The following BAZ2B variants were observed in gnomAD, a reference collection of about 807,000 sequenced individuals.
BAZ2B encodes the protein bromodomain adjacent to zinc finger domain 2B.
Under a neutral mutation model 246.0 loss-of-function variants are expected in BAZ2B, and 91 were observed. The observed-to-expected ratio is 0.37, with a 90% CI of 0.31 to 0.44. The LOEUF is 0.44. Ranked by LOEUF, BAZ2B falls within the 20% of genes least tolerant of loss-of-function variation. BAZ2B has a pLI of 1.00. For synonymous variants in BAZ2B, 855 were observed against 860.0 expected (o/e 0.99, Z 0.10); for missense variants, 2,332 against 2,533.7 (o/e 0.92, Z 1.71).
chr2:159,326,748 T>A (rs1388651825), intron 34 of BAZ2B, among the ~76,000 whole-genome samples: 1 of 152,150 alleles, frequency 6.6e-6, no homozygotes, highest in Non-Finnish European at 1.5e-5. Context: ...ACTCTCAACA[T>A]GGTCTTATGC....
chr2:159,462,936 T>C, intron 3 of BAZ2B: 1 of 1,348,822 alleles, frequency 7.4e-7, no homozygotes, highest in Non-Finnish European at 1.1e-6. Context: ...TGGCTGGGGG[T>C]CACTTGCTTT....
chr2:159,668,212 T>C, the BAZ2B span, among the ~76,000 whole-genome samples: 2 of 152,220 alleles, frequency 1.3e-5, no homozygotes, highest in Non-Finnish European at 2.9e-5. Context: ...TTATATTCTT[T>C]AACATTGTTA....
the BAZ2B span, among the ~76,000 whole-genome samples, chr2:159,703,056 C>G: frequency 1.6e-5 from 2 of 126,330 alleles, no homozygotes; most frequent in Non-Finnish European, 3.5e-5. Flanking sequence ...AACAAACAAA[C>G]AAAAACAAAC....
chr2:159,389,305 A>T, intron 21 of BAZ2B, 40 bp downstream of exon 21: 1 of 1,517,566 alleles, frequency 6.6e-7, no homozygotes, highest in Non-Finnish European at 8.8e-7. Flanking sequence ...TGGAAAAATT[A>T]AACTTATGAA....
intron 18 of BAZ2B, 53 bp from the exon 19 acceptor site, chr2:159,397,442 G>T: frequency 8.1e-7 from 1 of 1,227,840 alleles, no homozygotes; most frequent in Non-Finnish European, 1.1e-6. Flanking sequence ...TTTAGAACAT[G>T]CTAAAAGTAT....
chr2:159,608,137 G>A (rs767485660), intron 1 of BAZ2B, among the ~76,000 whole-genome samples: 7 of 152,318 alleles, frequency 4.6e-5, no homozygotes, highest in Admixed American at 2.6e-4. Context: ...CACTTTGAGA[G>A]GCCAAGGTGC....
At chr2:159,561,440 T>C (rs2089857890) in intron 1 of BAZ2B, among the ~76,000 whole-genome samples, 1 of 152,212 alleles carries the variant, frequency 6.6e-6, no homozygotes, top group Non-Finnish European at 1.5e-5. Context: ...CCTGCAGAAC[T>C]GTTAGCTTAA....
At chr2:159,337,920 GGAAAT>G in intron 31 of BAZ2B, 148 bp from the exon 32 acceptor site, 1 of 699,076 alleles carries the variant, frequency 1.4e-6, no homozygotes. Context: ...AAAACTAGGT[GGAAAT>G]AAGAAGAAAA....
At chr2:159,346,529 A>G (rs990840709) in intron 31 of BAZ2B, among the ~76,000 whole-genome samples, 1 of 151,966 alleles carries the variant, frequency 6.6e-6, no homozygotes, top group African/African-American at 2.4e-5. Context: ...ACGTGGCAAA[A>G]CCCCATCTCT....
At chr2:159,593,400 G>C (rs975395987) in intron 1 of BAZ2B, among the ~76,000 whole-genome samples, 1 of 152,162 alleles carries the variant, frequency 6.6e-6, no homozygotes, top group Non-Finnish European at 1.5e-5. Context: ...AAAAGATTAT[G>C]TCCTATCTAG....
the BAZ2B span, among the ~76,000 whole-genome samples, chr2:159,678,160 A>G: frequency 6.6e-6 from 1 of 152,140 alleles, no homozygotes; most frequent in African/African-American, 2.4e-5. Context: ...AATTTAAAAC[A>G]TTTTCTATTA....
chr2:159,322,994 CT>C (rs71406166), intron 36 of BAZ2B, among the ~76,000 whole-genome samples: 46,796 of 137,078 alleles, frequency 0.34, 9,691 homozygotes, highest in Non-Finnish European at 0.51. Flanking sequence ...GATTTTGTAG[CT>C]TTTTTTTTTT....
intron 19 of BAZ2B, 196 bp downstream of exon 19, chr2:159,397,149 A>C: frequency 2.0e-6 from 3 of 1,473,166 alleles, no homozygotes; most frequent in South Asian, 1.2e-5. Flanking sequence ...TCACAGAGTC[A>C]TAAAACCAAT....
In BAZ2B at chr2:159,412,496, C is replaced by T; in HGVS notation, c.2516G>A (p.Arg839Lys). 3 of 1,614,088 alleles carry T rather than the reference C, an allele frequency of 1.9e-6. No homozygotes were observed. The highest frequency in any genetic ancestry group is 2.5e-6 in the Non-Finnish European group (3 of 1,179,990). The change falls in exon 14 of 37, where the codon AGG (arginine) becomes AAG (lysine). Residue 839 changes from arginine to lysine, a missense_variant. Transcript: ENST00000392783. ...TCTTCCTCTACGACCTTCCATTGCC[C>T]TGATACGAGGAATGACATCCTCTTC... ...LKEEDVIPRI[R>K]AMEGRRGRPP...
rs1309988020 is a variant in BAZ2B at position 159,603,849 on chromosome 2, A to C, written c.-46+12393T>G. On this transcript the variant is annotated intron_variant, in intron 1 of 36. Coordinates refer to ENST00000392783, the MANE Select transcript of BAZ2B (RefSeq NM_013450.4). The stretch of plus-strand genomic sequence containing the variant: ...CACAGACACATTTCACTCTATGGCC[A>C]CTCCTGTCATTTTCATCTTTTGCAG... Among the ~76,000 whole-genome samples, 3 of 151,830 alleles carry C rather than the reference A, an allele frequency of 2.0e-5. No homozygotes were observed. In the East Asian group the frequency reaches 5.8e-4, roughly 29 times the overall value.
At chr2:159,451,825 A>T (rs540961672) in intron 4 of BAZ2B, among the ~76,000 whole-genome samples, 1 of 152,292 alleles carries the variant, frequency 6.6e-6, no homozygotes, top group South Asian at 2.1e-4. Flanking sequence ...AAATGTGTTA[A>T]CCATCATTCT....
At chr2:159,325,142 T>TG (rs2063514289) in intron 35 of BAZ2B, among the ~76,000 whole-genome samples, 188 bp from the exon 36 acceptor site, 1 of 73,072 alleles carries the variant, frequency 1.4e-5, no homozygotes, top group Non-Finnish European at 2.4e-5. Flanking sequence ...TATATATATA[T>TG]ATATATGAGA....
At chr2:159,551,123 G>A in intron 2 of BAZ2B, among the ~76,000 whole-genome samples, 1 of 152,090 alleles carries the variant, frequency 6.6e-6, no homozygotes, top group East Asian at 1.9e-4. Context: ...AGGAGTGAGA[G>A]CCACTGTGCC....
intron 27 of BAZ2B, among the ~76,000 whole-genome samples, chr2:159,352,157 C>G (rs529209709): frequency 6.6e-6 from 1 of 152,182 alleles, no homozygotes; most frequent in Non-Finnish European, 1.5e-5. Context: ...CCTCTTCTCA[C>G]TTTCTATTTT....
Sources: allele counts gnomAD v4.1 joint callset (sites outside exome capture counted in the v4.1 genomes callset), GRCh38; gene constraint gnomAD v4.1.1; transcripts MANE v1.5; gene names NCBI Gene and HGNC (gene_info 2026-07-23, HGNC 2026-07-21).